Variants in EML6 observed in about 807,000 individuals in gnomAD.
EML6 encodes the protein echinoderm microtubule-associated protein-like 6.
A neutral mutation model predicts 240.1 loss-of-function variants in EML6; 154 were observed. The observed-to-expected ratio is 0.64, with a 90% confidence interval of 0.56 to 0.73. The LOEUF is 0.73. EML6 is among the 30% of genes least tolerant of loss of function. The pLI is 0.00. For missense variants in EML6, 2,964 were observed against 2,474.6 expected, an observed-to-expected ratio of 1.20 and a Z score of -4.20; for synonymous variants, 1,148 against 899.0, an observed-to-expected ratio of 1.28 and a Z score of -4.95.
intron 2 of EML6, among the ~76,000 whole-genome samples, chr2:54,753,097 A>C (rs1684248046): frequency 6.6e-6 from 1 of 152,232 alleles, no homozygotes; most frequent in South Asian, 2.1e-4. Flanking sequence ...TAGCCTTAAT[A>C]GGTATATTAC....
intron 2 of EML6, among the ~76,000 whole-genome samples, chr2:54,802,817 A>C (rs968244986): frequency 3.3e-5 from 5 of 152,140 alleles, no homozygotes; most frequent in Non-Finnish European, 5.9e-5. Flanking sequence ...GATGAAAACT[A>C]CAGCATGTTC....
At position 54,961,970 on chromosome 2, in the gene EML6, C is replaced by T. The variant is rs186816729; in HGVS notation, c.4969-553C>T. Reference sequence around the variant, plus strand: ...AGTGAGCCAAGATGTCACCACTGCACTCCAGCCTGGGTGACAGAGTGAGAC... The same window carrying T: ...AGTGAGCCAAGATGTCACCACTGCATTCCAGCCTGGGTGACAGAGTGAGAC... On this transcript the variant is annotated intron_variant, in intron 35 of 41. Transcript: ENST00000356458. Among the ~76,000 whole-genome samples, 643 of 151,816 alleles carry T rather than the reference C, an allele frequency of 4.2e-3. 3 individuals carry two copies. Among genetic ancestry groups the T allele is most frequent in the African/African-American group, 0.015 (607 of 41,460 alleles).
Position 54,850,080 on chromosome 2 carries a change from G to A in EML6, c.1306G>A (p.Ala436Thr). ...CAATGATGGCCCAGTAGATGTCTAT[G>A]CTGTTGCCCAGAGGTATAAGAAAAT... ...GSNDGPVDVY[A>T]VAQRYKKIGE... The change falls in exon 10 of 42, where the codon GCT becomes ACT. Residue 436 changes from alanine to threonine, a missense_variant. Transcript: ENST00000356458. 6.4e-7 allele frequency: 1 copy of A among 1,552,112 alleles called. No homozygotes were observed. Among genetic ancestry groups the A allele is most frequent in the Non-Finnish European group, 8.7e-7 (1 of 1,147,072 alleles).
intron 11 of EML6, among the ~76,000 whole-genome samples, chr2:54,855,023 C>G (rs1558617073): frequency 6.6e-6 from 1 of 152,200 alleles, no homozygotes; most frequent in Non-Finnish European, 1.5e-5. Flanking sequence ...TAATTGATAT[C>G]CTATACATCC....
chr2:54,873,353 G>A (rs1472955681), intron 16 of EML6, among the ~76,000 whole-genome samples: 1 of 152,222 alleles, frequency 6.6e-6, no homozygotes, highest in Non-Finnish European at 1.5e-5. Context: ...GGTGACATGT[G>A]AGGTAGGAGA....
chr2:54,805,412 C>T (rs914804834), intron 2 of EML6, among the ~76,000 whole-genome samples: 3 of 152,154 alleles, frequency 2.0e-5, no homozygotes, highest in Non-Finnish European at 2.9e-5. Context: ...TTTACATTTC[C>T]TATTAGCAAT....
chr2:54,787,052 G>A (rs1387677159), intron 2 of EML6, among the ~76,000 whole-genome samples: 1 of 152,174 alleles, frequency 6.6e-6, no homozygotes, highest in Non-Finnish European at 1.5e-5. Context: ...TTTGAAAGAT[G>A]AGTGCCTCAG....
rs1241628032 is a variant in EML6 at position 54,871,740 on chromosome 2, A to G, written c.2344+135A>G. On this transcript the variant is annotated intron_variant, in intron 16 of 41. Transcript: ENST00000356458. ...CCACTTAGTCGTTCTGTTTGTATTG[A>G]AGTACAAGCTCTTTGTATGCCAGCT... 11 of 686,278 alleles carry G rather than the reference A, an allele frequency of 1.6e-5. No homozygotes were observed. In the South Asian group the frequency reaches 1.7e-4, roughly 11 times the overall value. 42.5% of individuals were successfully genotyped at this position (686,278 alleles called of 1,614,324 possible).
At chr2:54,869,140 G>A (rs1439254880) in intron 14 of EML6, 41 bp from the exon 15 acceptor site, 1 of 1,405,092 alleles carries the variant, frequency 7.1e-7, no homozygotes, top group Non-Finnish European at 9.8e-7. Flanking sequence ...TGCATTTGCT[G>A]TTTGTTCAAC....
chr2:54,824,786 A>G (rs1489734332), intron 5 of EML6, among the ~76,000 whole-genome samples: 1 of 152,198 alleles, frequency 6.6e-6, no homozygotes, highest in African/African-American at 2.4e-5. Context: ...CTAGGGCTAG[A>G]TGAACTCAAG....
In EML6 at chr2:54,964,020, C is replaced by T. The variant is rs1018035030; in HGVS notation, c.5192C>T (p.Ala1731Val). 6.4e-7 allele frequency: 1 copy of T among 1,551,432 alleles called. No homozygotes were observed. Among genetic ancestry groups the T allele is most frequent in the East Asian group, 2.4e-5 (1 of 40,928 alleles). The change falls in exon 37 of 42, where the codon GCC becomes GTC. Residue 1731 changes from alanine to valine, a missense_variant. Transcript: ENST00000356458. ...LLNKVSLGHA[A>V]RCAAYSPDGE... ...AACAAGGTGAGCTTGGGCCATGCGG[C>T]CAGGTGTGCAGCCTACAGCCCTGAT...
At chr2:54,809,065 C>G (rs540442024) in intron 2 of EML6, among the ~76,000 whole-genome samples, 2 of 152,166 alleles carry the variant, frequency 1.3e-5, no homozygotes, top group Non-Finnish European at 2.9e-5. Flanking sequence ...GAAAAACAGT[C>G]ACACCAAAAC....
chr2:54,925,202 C>T (rs749682842), intron 26 of EML6, among the ~76,000 whole-genome samples: 7 of 152,126 alleles, frequency 4.6e-5, no homozygotes, highest in South Asian at 2.1e-4. Flanking sequence ...ACACACCGCC[C>T]GCTCTTCCTG....
At chr2:54,928,188 A>G in intron 26 of EML6, 125 bp from the exon 27 acceptor site, 1 of 768,466 alleles carries the variant, frequency 1.3e-6, no homozygotes, top group South Asian at 1.6e-5. Context: ...CTTACATTCT[A>G]GTTGAAATGT....
intron 2 of EML6, among the ~76,000 whole-genome samples, chr2:54,811,318 C>A (rs1667831114): frequency 6.6e-6 from 1 of 152,214 alleles, no homozygotes; most frequent in Non-Finnish European, 1.5e-5. Flanking sequence ...GCTGCCCCTG[C>A]CTGCCTGACC....
chr2:54,825,503 T>A (rs186765049), intron 5 of EML6, among the ~76,000 whole-genome samples: 163 of 152,278 alleles, frequency 1.1e-3, no homozygotes, highest in African/African-American at 3.8e-3. Flanking sequence ...GCTCAAGTGA[T>A]CTCTCTGCCT....
intron 11 of EML6, 76 bp downstream of exon 11, chr2:54,853,931 C>T: frequency 5.7e-6 from 5 of 870,222 alleles, no homozygotes; most frequent in Non-Finnish European, 6.9e-6. Flanking sequence ...GCTGATCTTC[C>T]TGCTGTCTAT....
chr2:54,886,476 T>G (rs1229826412), intron 17 of EML6, among the ~76,000 whole-genome samples: 2 of 152,160 alleles, frequency 1.3e-5, no homozygotes, highest in Non-Finnish European at 2.9e-5. Flanking sequence ...GGCCTCTTTC[T>G]TTCTTCTATT....
At chr2:54,950,328 A>C (rs1675910795) in intron 29 of EML6, among the ~76,000 whole-genome samples, 1 of 152,210 alleles carries the variant, frequency 6.6e-6, no homozygotes. Context: ...GCACAGACAC[A>C]AAACTGCTAG....
Sources: gnomAD v4.1 joint callset for allele counts (sites outside exome capture counted in the v4.1 genomes callset) on GRCh38, gnomAD v4.1.1 for gene constraint, MANE v1.5 for transcripts, NCBI Gene and HGNC (gene_info 2026-07-23, HGNC 2026-07-21) for gene names.